CAMKK2: variants seen among roughly 807,000 people sequenced by gnomAD.
CAMKK2 encodes calcium/calmodulin dependent protein kinase kinase 2.
In CAMKK2, 30 loss-of-function variants were observed where a neutral mutation model predicts 67.2. The ratio of observed to expected loss-of-function variants is 0.45; its 90% CI spans 0.33 to 0.61. CAMKK2 has a LOEUF of 0.61. CAMKK2 is among the 20% of genes least tolerant of loss of function. The probability of loss-of-function intolerance (pLI) is 0.02; values close to 1 mark genes in which losing one functional copy is unlikely to be tolerated. For synonymous variants in CAMKK2, 322 were observed against 326.2 expected (o/e 0.99, Z 0.14); for missense variants, 643 against 802.0 (o/e 0.80, Z 2.39).
intron 1 of CAMKK2, among the ~76,000 whole-genome samples, chr12:121,280,706 G>C (rs1327163263): frequency 6.6e-6 from 1 of 152,154 alleles, no homozygotes; most frequent in East Asian, 1.9e-4. Context: ...CGAGATTGCA[G>C]AGGTGAGATA....
At chr12:121,255,315 T>TATATATATA (rs1566059576) in intron 9 of CAMKK2, among the ~76,000 whole-genome samples, 3 of 5,612 alleles carry the variant, frequency 5.3e-4, no homozygotes, top group African/African-American at 1.2e-3. Context: ...TATATATAAT[T>TATATATATA]TTATATATAT....
rs1303513706 is a variant in CAMKK2 at position 121,271,049 on chromosome 12, AG to A, written c.472-105del. 23 of 848,476 alleles carry A rather than the reference AG, an allele frequency of 2.7e-5. No homozygotes were observed. The Admixed American group carries it at 4.2e-4, about 16-fold the overall frequency. The allele number at this position is 848,476 out of a possible 1,614,324, so 52.6% of individuals were successfully genotyped here. A position where few individuals can be genotyped will look rare whatever the true frequency, so the allele number is the denominator to read the frequency against. ...AAGCCCTTCAGGAGACCAAGGTGGG[AG>A]GATCACTTGAGTTCAGGAGTTCCAG... is the stretch of plus-strand genomic sequence containing the variant. On this transcript the variant is annotated intron_variant, in intron 2 of 16. Transcript: ENST00000404169.
chr12:121,270,504 G>C (rs188727684), intron 3 of CAMKK2, among the ~76,000 whole-genome samples: 7 of 152,182 alleles, frequency 4.6e-5, no homozygotes, highest in African/African-American at 1.4e-4. Context: ...CAGCTGGCAT[G>C]CCTCACTCCT....
chr12:121,275,994 T>TAAAATA (rs774210160), intron 1 of CAMKK2, among the ~76,000 whole-genome samples: 5 of 151,930 alleles, frequency 3.3e-5, no homozygotes, highest in African/African-American at 9.7e-5. Flanking sequence ...ACCCCATCTC[T>TAAAATA]ACTAAAAATA....
At chr12:121,255,280 A>ATATATATAAT (rs1891811441) in intron 9 of CAMKK2, among the ~76,000 whole-genome samples, 1 of 58,990 alleles carries the variant, frequency 1.7e-5, no homozygotes, top group African/African-American at 9.4e-5. Context: ...ATATATAATT[A>ATATATATAAT]TATATATAAT....
At chr12:121,258,107 C>T (rs1366893989) in intron 7 of CAMKK2, among the ~76,000 whole-genome samples, 2 of 151,344 alleles carry the variant, frequency 1.3e-5, no homozygotes, top group Non-Finnish European at 2.9e-5. Context: ...TCACTGCAAC[C>T]TCCGCTTCCC....
chr12:121,262,791 C>T (rs1893729106), intron 6 of CAMKK2, among the ~76,000 whole-genome samples: 2 of 152,042 alleles, frequency 1.3e-5, no homozygotes, highest in African/African-American at 4.8e-5. Context: ...AACTGCTGTC[C>T]TCAGGTGATC....
intron 1 of CAMKK2, among the ~76,000 whole-genome samples, chr12:121,294,944 C>T (rs1052706035): frequency 1.3e-5 from 2 of 152,138 alleles, no homozygotes; most frequent in African/African-American, 4.8e-5. Flanking sequence ...CTGACGTAGG[C>T]GGATCACTTG....
chr12:121,243,336 G>C (rs1028088173), intron 16 of CAMKK2, among the ~76,000 whole-genome samples: 1 of 148,142 alleles, frequency 6.8e-6, no homozygotes, highest in Non-Finnish European at 1.5e-5. Flanking sequence ...CAGCCTGCTA[G>C]TCAATCCATT....
rs146624352 is a variant in CAMKK2, at chr12:121,292,021, A to T, written c.-60+4617T>A. On this transcript the variant is annotated intron_variant, in intron 1 of 16. Coordinates refer to ENST00000404169, the MANE Select transcript of CAMKK2 (RefSeq NM_001270485.2). ...CAGTGAGCCGAGATCACGCCACTGCACTCCAGCCTGGCGACAGAGTGAGAC... is the reference window on the plus strand; with the variant it reads ...CAGTGAGCCGAGATCACGCCACTGCTCTCCAGCCTGGCGACAGAGTGAGAC... Among the ~76,000 whole-genome samples, 929 of 152,070 alleles carry T rather than the reference A, an allele frequency of 6.1e-3. 4 individuals carry two copies. Among genetic ancestry groups the T allele is most frequent in the Non-Finnish European group, 0.011 (721 of 67,968 alleles).
In CAMKK2 at chr12:121,249,781, G is replaced by A. The variant is rs745480578; in HGVS notation, c.1323+6C>T. On this transcript the variant is annotated splice_donor_region_variant and intron_variant, in intron 13 of 16. Coordinates refer to ENST00000404169, the MANE Select transcript of CAMKK2 (RefSeq NM_001270485.2). Reference sequence around the variant, plus strand: ...GAGCACGGGGCACAGGCTGAGCCAAGGGTACCTTGATTTCCGGCACCACGA... The same window carrying A: ...GAGCACGGGGCACAGGCTGAGCCAAAGGTACCTTGATTTCCGGCACCACGA... 1 of 1,613,382 alleles carries A rather than the reference G, an allele frequency of 6.2e-7. No homozygotes were observed. Among genetic ancestry groups the A allele is most frequent in the East Asian group, 2.2e-5 (1 of 44,866 alleles).
chr12:121,275,193 G>C (rs1366246949), intron 1 of CAMKK2, among the ~76,000 whole-genome samples: 3 of 152,094 alleles, frequency 2.0e-5, no homozygotes, highest in Non-Finnish European at 2.9e-5. Flanking sequence ...CATTAACAAT[G>C]CAGGTCAGGG....
intron 10 of CAMKK2, 110 bp from the exon 11 acceptor site, chr12:121,252,824 G>T: frequency 9.3e-7 from 1 of 1,073,646 alleles, no homozygotes; most frequent in Non-Finnish European, 1.4e-6. Context: ...GAGTTGGGGC[G>T]GGACCAATCT....
chr12:121,278,840 C>A (rs1330667081), intron 1 of CAMKK2, among the ~76,000 whole-genome samples: 6 of 152,214 alleles, frequency 3.9e-5, no homozygotes, highest in Non-Finnish European at 1.5e-5. Flanking sequence ...TGGTAGGTAG[C>A]CTATGCTCTG....
intron 1 of CAMKK2, among the ~76,000 whole-genome samples, chr12:121,291,381 C>T (rs1899988089): frequency 1.3e-5 from 2 of 152,168 alleles, no homozygotes; most frequent in Admixed American, 6.5e-5. Context: ...AAATGTCTAT[C>T]AATGGATGAA....
chr12:121,240,903 C>G lies in CAMKK2; in HGVS notation c.1597-34G>C. The G allele has an allele frequency of 6.2e-7, 1 of 1,607,020 alleles. No homozygotes were observed. The highest frequency in any genetic ancestry group is 1.1e-5 in the South Asian group (1 of 90,420). On this transcript the variant is annotated intron_variant, in intron 16 of 16. Transcript: ENST00000404169. The surrounding 1 kb of genome is among the most constrained non-coding windows in gnomAD (Gnocchi z 4.4). ...CGAACAGAAAACCAACATTAAGACT[C>G]TGAGAAATGCCAGCGAGGCCCTGAG...
Position 121,263,234 on chromosome 12 carries a change from G to C in CAMKK2, c.759+572C>G, listed in dbSNP as rs116242966. 4.9e-3 allele frequency among the ~76,000 whole-genome samples: 730 copies of C among 148,960 alleles called. 5 individuals carry two copies. The highest frequency in any genetic ancestry group is 0.017 in the African/African-American group (695 of 39,718). On this transcript the variant is annotated intron_variant, in intron 6 of 16. Coordinates refer to ENST00000404169, the MANE Select transcript of CAMKK2 (RefSeq NM_001270485.2). ...GGGGCTGGCAAACTACAGCATGTGG[G>C]CCAAATTCAGCCCTCTGTCTGGTTT...
At chr12:121,280,896 G>A (rs1282267206) in intron 1 of CAMKK2, among the ~76,000 whole-genome samples, 1 of 152,118 alleles carries the variant, frequency 6.6e-6, no homozygotes, top group Non-Finnish European at 1.5e-5. Flanking sequence ...TTTCACCTGG[G>A]TCCTGTGGTC....
In CAMKK2 at chr12:121,240,512, T is replaced by C. The variant is rs1197975814; in HGVS notation, c.*187A>G. On this transcript the variant is annotated 3_prime_UTR_variant, in exon 17 of 17. Transcript: ENST00000404169. This position sits in a 1 kb window ranked among gnomAD's most constrained non-coding sequence, Gnocchi z 4.4. ...CAGCCAGCGGCCACGGTCGACGTCA[T>C]GGAGTCAAGTCCTTTTTTTTTTTTT... The C allele has an allele frequency of 1.3e-6, 2 of 1,531,594 alleles. No homozygotes were observed. Among genetic ancestry groups the C allele is most frequent in the Admixed American group, 2.0e-5 (1 of 50,318 alleles). The allele number at this position is 1,531,594 out of a possible 1,614,324, so 94.9% of individuals were successfully genotyped here. A position where few individuals can be genotyped will look rare whatever the true frequency, so the allele number is the denominator to read the frequency against.
Sources: gnomAD v4.1 joint callset for allele counts (sites outside exome capture counted in the v4.1 genomes callset) on GRCh38, gnomAD v4.1.1 for gene constraint, Gnocchi (gnomAD v3.1) non-coding constraint, MANE v1.5 for transcripts, NCBI Gene and HGNC (gene_info 2026-07-23, HGNC 2026-07-21) for gene names.